Variants in CADM2 observed in about 807,000 individuals in gnomAD.
The protein encoded by CADM2 is cell adhesion molecule 2.
A neutral mutation model predicts 49.8 loss-of-function variants in CADM2; 12 were observed. The ratio of observed to expected loss-of-function variants is 0.24; its 90% CI spans 0.15 to 0.39. CADM2 has a LOEUF of 0.39. CADM2 is among the 10% of genes least tolerant of loss of function. The pLI is 1.00. For missense variants in CADM2, 378 were observed against 492.3 expected, an observed-to-expected ratio of 0.77 and a Z score of 2.20; for synonymous variants, 214 against 175.4, an observed-to-expected ratio of 1.22 and a Z score of -1.74.
intron 1 of CADM2, among the ~76,000 whole-genome samples, chr3:85,188,384 G>T (rs1291363479): frequency 6.6e-6 from 1 of 152,078 alleles, no homozygotes; most frequent in African/African-American, 2.4e-5. Context: ...GTGGGCTCTT[G>T]TTCCCATGTA....
intron 1 of CADM2, among the ~76,000 whole-genome samples, chr3:85,551,516 CTCATTTCTT>C (rs2061801868): frequency 6.6e-6 from 1 of 152,074 alleles, no homozygotes; most frequent in Non-Finnish European, 1.5e-5. Flanking sequence ...ATACATTTCT[CTCATTTCTT>C]TAAAGTTCCA....
intron 1 of CADM2, among the ~76,000 whole-genome samples, chr3:85,682,156 C>T (rs2066056619): frequency 6.6e-6 from 1 of 151,994 alleles, no homozygotes; most frequent in Admixed American, 6.6e-5. Flanking sequence ...TCATAGTTGG[C>T]CTGAATACCC....
intron 1 of CADM2, among the ~76,000 whole-genome samples, chr3:85,160,695 T>TA: frequency 6.6e-6 from 1 of 152,234 alleles, no homozygotes; most frequent in Non-Finnish European, 1.5e-5. Flanking sequence ...TTATTTTCTT[T>TA]AAGCTTGTAC....
At chr3:85,823,396 A>G (rs1410188988) in intron 3 of CADM2, among the ~76,000 whole-genome samples, 6 of 152,168 alleles carry the variant, frequency 3.9e-5, no homozygotes, top group Non-Finnish European at 8.8e-5. Context: ...ATCAGACTAC[A>G]TCAAAATATT....
At chr3:85,938,895 G>T (rs573892566) in intron 7 of CADM2, among the ~76,000 whole-genome samples, 33 of 151,924 alleles carry the variant, frequency 2.2e-4, no homozygotes, top group South Asian at 4.2e-4. Context: ...ATATCTTGTA[G>T]CTGTCTTCAA....
intron 1 of CADM2, among the ~76,000 whole-genome samples, chr3:85,059,132 G>T (rs2036203357): frequency 6.6e-6 from 1 of 151,688 alleles, no homozygotes; most frequent in Admixed American, 6.6e-5. Flanking sequence ...CCAGCTACTC[G>T]GGAGGCTGAG....
In CADM2 at chr3:85,359,664, A is replaced by ATTTTTTT. The variant is rs1434535137; in HGVS notation, c.62-366857_62-366856insTTTTTTT. Among the ~76,000 whole-genome samples the ATTTTTTT allele has an allele frequency of 1.9e-3, 56 of 30,022 alleles. 1 individual carries two copies. The highest frequency in any genetic ancestry group is 5.0e-3 in the African/African-American group (50 of 10,000). 19.7% of individuals were successfully genotyped at this position (30,022 alleles called of 152,430 possible). On this transcript the variant is annotated intron_variant, in intron 1 of 9. Transcript: ENST00000383699. ...TATATATATATATATATATATATAT[A>ATTTTTTT]TATTTTTTTTTTTGGTGGAGGGGAG...
intron 1 of CADM2, among the ~76,000 whole-genome samples, chr3:85,475,857 A>G (rs1576622670): frequency 6.6e-6 from 1 of 152,092 alleles, no homozygotes; most frequent in East Asian, 1.9e-4. Context: ...TTATAGTTTC[A>G]TTACCTCAAT....
intron 1 of CADM2, among the ~76,000 whole-genome samples, chr3:85,413,161 A>AAAAAAATAATAAT (rs1553720239): frequency 2.8e-5 from 3 of 108,526 alleles, no homozygotes; most frequent in African/African-American, 1.2e-4. Flanking sequence ...AAAAAAAAAA[A>AAAAAAATAATAAT]AATAATAATA....
intron 1 of CADM2, among the ~76,000 whole-genome samples, chr3:85,547,690 A>G (rs990132376): frequency 1.3e-5 from 2 of 152,212 alleles, no homozygotes; most frequent in Non-Finnish European, 2.9e-5. Flanking sequence ...AACCCTATGT[A>G]AAAACAACCA....
At chr3:85,510,401 A>T (rs1185259057) in intron 1 of CADM2, among the ~76,000 whole-genome samples, 15 of 152,110 alleles carry the variant, frequency 9.9e-5, no homozygotes, top group Admixed American at 7.9e-4. Flanking sequence ...TCTTCCTCTC[A>T]AAACAGACAT....
intron 1 of CADM2, among the ~76,000 whole-genome samples, chr3:85,401,950 C>T (rs1377731943): frequency 2.0e-5 from 3 of 152,006 alleles, no homozygotes; most frequent in Admixed American, 6.6e-5. Context: ...GTTTAACTGC[C>T]GTTATTTCAC....
intron 1 of CADM2, among the ~76,000 whole-genome samples, chr3:85,349,752 T>A (rs962969793): frequency 6.6e-6 from 1 of 152,298 alleles, no homozygotes; most frequent in South Asian, 2.1e-4. Flanking sequence ...ACAGAGAACC[T>A]TGCAAAATTT....
intron 1 of CADM2, among the ~76,000 whole-genome samples, chr3:85,528,054 G>T (rs906045402): frequency 6.6e-6 from 1 of 152,270 alleles, no homozygotes; most frequent in East Asian, 1.9e-4. Context: ...TAGGGACAAA[G>T]ATCACTTTTG....
chr3:85,124,726 G>T (rs1365573857), intron 1 of CADM2, among the ~76,000 whole-genome samples: 3 of 152,044 alleles, frequency 2.0e-5, no homozygotes, highest in Non-Finnish European at 2.9e-5. Context: ...CTACCTAAAA[G>T]GTGCTCAGAG....
intron 5 of CADM2, among the ~76,000 whole-genome samples, chr3:85,899,407 T>C (rs1715789065): frequency 6.6e-6 from 1 of 152,218 alleles, no homozygotes; most frequent in South Asian, 2.1e-4. Flanking sequence ...GAGTTAATTT[T>C]TGTATTTTTA....
At chr3:85,462,375 TA>T (rs2107592165) in intron 1 of CADM2, among the ~76,000 whole-genome samples, 1 of 152,304 alleles carries the variant, frequency 6.6e-6, no homozygotes, top group African/African-American at 2.4e-5. Context: ...ACAATTCCAT[TA>T]AGCGGTATTT....
chr3:85,709,361 A>T (rs1298022921), intron 1 of CADM2, among the ~76,000 whole-genome samples: 1 of 152,112 alleles, frequency 6.6e-6, no homozygotes, highest in African/African-American at 2.4e-5. Context: ...GTCAGTGAAA[A>T]ATGTCAACTT....
chr3:85,246,064 T>A (rs1308894705), intron 1 of CADM2, among the ~76,000 whole-genome samples: 1 of 152,228 alleles, frequency 6.6e-6, no homozygotes, highest in Non-Finnish European at 1.5e-5. Flanking sequence ...GGTTAGTTTG[T>A]GTGTACTTGT....
Sources: allele counts gnomAD v4.1 joint callset (sites outside exome capture counted in the v4.1 genomes callset), GRCh38; gene constraint gnomAD v4.1.1; transcripts MANE v1.5; gene names NCBI Gene and HGNC (gene_info 2026-07-23, HGNC 2026-07-21).